Variants in CNTN1 observed in about 807,000 individuals in gnomAD.
The protein encoded by CNTN1 is contactin-1.
CNTN1 carries 38 observed loss-of-function variants against 126.4 expected under a neutral mutation model. The observed-to-expected ratio is 0.30, with a 90% CI of 0.23 to 0.39. The LOEUF (loss-of-function observed/expected upper bound fraction) is 0.39, where lower values mean the gene tolerates loss of function less well. Among genes scored for constraint, CNTN1 ranks in the 10% least tolerant of loss-of-function variants. The pLI, the probability that CNTN1 is intolerant of heterozygous loss-of-function variation, is 1.00. For synonymous variants in CNTN1, 413 were observed against 422.6 expected (o/e 0.98, Z 0.28); for missense variants, 1,009 against 1,248.4 (o/e 0.81, Z 2.89).
intron 2 of CNTN1, among the ~76,000 whole-genome samples, chr12:40,909,080 AAC>A (rs991932266): frequency 2.0e-5 from 3 of 152,148 alleles, no homozygotes; most frequent in Non-Finnish European, 4.4e-5. Context: ...AAGCAGATGC[AAC>A]ACACTACTGA....
intron 1 of CNTN1, among the ~76,000 whole-genome samples, chr12:40,713,174 AGTT>A (rs1397249666): frequency 7.9e-5 from 12 of 151,028 alleles, no homozygotes; most frequent in Non-Finnish European, 1.3e-4. Flanking sequence ...TCCATTAAAA[AGTT>A]TTTAAATGAA....
intron 1 of CNTN1, among the ~76,000 whole-genome samples, chr12:40,809,513 G>C (rs1190031877): frequency 6.6e-6 from 1 of 151,638 alleles, no homozygotes; most frequent in African/African-American, 2.4e-5. Flanking sequence ...AGTAAGAATG[G>C]AAAGAATATA....
intron 1 of CNTN1, among the ~76,000 whole-genome samples, chr12:40,741,078 A>G (rs1937925740): frequency 6.6e-6 from 1 of 152,042 alleles, no homozygotes; most frequent in African/African-American, 2.4e-5. Flanking sequence ...AGCATCCTAT[A>G]TATATAATTG....
chr12:40,755,595 C>T (rs966848731), intron 1 of CNTN1, among the ~76,000 whole-genome samples: 1 of 151,850 alleles, frequency 6.6e-6, no homozygotes, highest in African/African-American at 2.4e-5. Flanking sequence ...GTTACAATCC[C>T]AACTACTTGG....
intron 17 of CNTN1, among the ~76,000 whole-genome samples, chr12:40,993,903 A>G (rs1172919733): frequency 6.6e-6 from 1 of 152,172 alleles, no homozygotes; most frequent in African/African-American, 2.4e-5. Flanking sequence ...TTAAGTATTC[A>G]GAGTCCAGAG....
intron 19 of CNTN1, among the ~76,000 whole-genome samples, chr12:41,018,543 T>C (rs2120762598): frequency 6.6e-6 from 1 of 151,992 alleles, no homozygotes; most frequent in African/African-American, 2.4e-5. Flanking sequence ...ATGTCTTAAA[T>C]ATACATAACA....
intron 17 of CNTN1, among the ~76,000 whole-genome samples, chr12:41,001,937 T>G (rs1403667961): frequency 6.6e-6 from 1 of 152,086 alleles, no homozygotes; most frequent in Non-Finnish European, 1.5e-5. Context: ...TAGCTGTAAG[T>G]GTGTGACCTT....
chr12:41,059,278 A>T (rs1014726276), intron 23 of CNTN1, among the ~76,000 whole-genome samples: 3 of 152,184 alleles, frequency 2.0e-5, no homozygotes, highest in Non-Finnish European at 4.4e-5. Flanking sequence ...AAAGCCAAAG[A>T]TGACTGAAGA....
intron 1 of CNTN1, among the ~76,000 whole-genome samples, chr12:40,710,250 G>A (rs1352158501): frequency 6.6e-6 from 1 of 152,096 alleles, no homozygotes; most frequent in Non-Finnish European, 1.5e-5. Flanking sequence ...CTCAAGGAAT[G>A]GGAAGGCCTG....
At chr12:40,738,809 A>C (rs1052343353) in intron 1 of CNTN1, among the ~76,000 whole-genome samples, 4 of 152,068 alleles carry the variant, frequency 2.6e-5, no homozygotes, top group Non-Finnish European at 5.9e-5. Flanking sequence ...AAATTTGCAA[A>C]AATTAAAAAG....
intron 1 of CNTN1, among the ~76,000 whole-genome samples, chr12:40,805,845 T>C (rs1353275562): frequency 6.6e-6 from 1 of 152,104 alleles, no homozygotes; most frequent in Non-Finnish European, 1.5e-5. Context: ...GAAGGAGATC[T>C]GAATTTTTAG....
chr12:40,994,096 A>G (rs1566106101), intron 17 of CNTN1, among the ~76,000 whole-genome samples: 1 of 152,142 alleles, frequency 6.6e-6, no homozygotes, highest in Non-Finnish European at 1.5e-5. Flanking sequence ...TTTAAGACAG[A>G]TCTTATGGTA....
intron 1 of CNTN1, among the ~76,000 whole-genome samples, chr12:40,810,594 ATT>A (rs35584090): frequency 1.3e-3 from 189 of 147,954 alleles, no homozygotes; most frequent in East Asian, 4.0e-3. Context: ...TATGAGATTG[ATT>A]TTTTTTTTTT....
chr12:40,832,718 G>A (rs1354907799), intron 1 of CNTN1, among the ~76,000 whole-genome samples: 2 of 152,136 alleles, frequency 1.3e-5, no homozygotes, highest in Non-Finnish European at 2.9e-5. Context: ...GGTGTTAGCT[G>A]ATTACTGGAG....
chr12:40,846,406 T>C (rs1942503569), intron 1 of CNTN1, among the ~76,000 whole-genome samples: 1 of 152,186 alleles, frequency 6.6e-6, no homozygotes. Flanking sequence ...GGGCGGAGCC[T>C]GCAGTGAGCC....
intron 15 of CNTN1, 35 bp downstream of exon 15, chr12:40,959,269 A>G: frequency 6.2e-7 from 1 of 1,608,572 alleles, no homozygotes; most frequent in Non-Finnish European, 8.5e-7. Context: ...TACAAAACCA[A>G]AAGTATTTGA....
intron 1 of CNTN1, among the ~76,000 whole-genome samples, chr12:40,883,164 T>G (rs1397056610): frequency 6.6e-6 from 1 of 151,646 alleles, no homozygotes. Context: ...AGGGGTATGT[T>G]TTTAGATTCC....
At chr12:40,868,522 A>G (rs970576667) in intron 1 of CNTN1, among the ~76,000 whole-genome samples, 1 of 152,134 alleles carries the variant, frequency 6.6e-6, no homozygotes, top group Non-Finnish European at 1.5e-5. Flanking sequence ...AGGATGCTGA[A>G]AACTGACCTC....
At chr12:40,827,529 G>A (rs568555790) in intron 1 of CNTN1, among the ~76,000 whole-genome samples, 14 of 151,930 alleles carry the variant, frequency 9.2e-5, no homozygotes, top group East Asian at 1.9e-4. Flanking sequence ...AAATGATAGC[G>A]AAAAGCCAAT....
Sources: allele counts gnomAD v4.1 joint callset (sites outside exome capture counted in the v4.1 genomes callset), GRCh38; gene constraint gnomAD v4.1.1; transcripts MANE v1.5; gene names NCBI Gene and HGNC (gene_info 2026-07-23, HGNC 2026-07-21).